Variants in EXOC6B observed in about 807,000 individuals in gnomAD.
EXOC6B encodes exocyst complex component 6B.
A neutral mutation model predicts 113.5 loss-of-function variants in EXOC6B; 54 were observed. That is an observed-to-expected ratio of 0.48 (90% CI 0.38 to 0.60). The LOEUF (loss-of-function observed/expected upper bound fraction) is 0.60, where lower values mean the gene tolerates loss of function less well. EXOC6B is among the 20% of genes least tolerant of loss of function. The probability of loss-of-function intolerance (pLI) is 0.00; values close to 1 mark genes in which losing one functional copy is unlikely to be tolerated. For synonymous variants in EXOC6B, 357 were observed against 339.0 expected, an observed-to-expected ratio of 1.05 and a Z score of -0.58; for missense variants, 797 against 977.5, an observed-to-expected ratio of 0.82 and a Z score of 2.46.
chr2:72,796,983 C>T (rs1292925486), intron 1 of EXOC6B, among the ~76,000 whole-genome samples: 4 of 152,206 alleles, frequency 2.6e-5, no homozygotes, highest in Non-Finnish European at 4.4e-5. Context: ...ACAAATATAT[C>T]TCAATTTAAA....
intron 20 of EXOC6B, among the ~76,000 whole-genome samples, chr2:72,204,459 AGGCCAAGATTAGCGT>A (rs1679699500): frequency 1.3e-5 from 2 of 152,118 alleles, no homozygotes; most frequent in Non-Finnish European, 2.9e-5. Context: ...ACAGTTGGCC[AGGCCAAGATTAGCGT>A]GAGCACAACA....
At chr2:72,476,178 T>C (rs75074580) in intron 17 of EXOC6B, among the ~76,000 whole-genome samples, 4,413 of 152,308 alleles carry the variant, frequency 0.029, 215 homozygotes, top group African/African-American at 0.1. Context: ...ACTCTCCTAT[T>C]GCCAGGATTT....
intron 6 of EXOC6B, among the ~76,000 whole-genome samples, chr2:72,645,304 C>G (rs976731711): frequency 2.6e-5 from 4 of 152,110 alleles, no homozygotes; most frequent in Non-Finnish European, 2.9e-5. Flanking sequence ...TCCTTAGAGA[C>G]CTACAAAGAG....
chr2:72,347,630 A>T (rs1028603647), intron 19 of EXOC6B, among the ~76,000 whole-genome samples: 6 of 152,160 alleles, frequency 3.9e-5, no homozygotes, highest in African/African-American at 1.4e-4. Context: ...AACTCAATAT[A>T]TCTAAAATAT....
intron 20 of EXOC6B, among the ~76,000 whole-genome samples, chr2:72,249,975 T>A (rs1260954934): frequency 6.6e-6 from 1 of 152,344 alleles, no homozygotes; most frequent in East Asian, 1.9e-4. Context: ...CATTAGAATG[T>A]AAGCTTCCTG....
At chr2:72,473,986 G>T (rs1313030303) in intron 17 of EXOC6B, among the ~76,000 whole-genome samples, 1 of 151,728 alleles carries the variant, frequency 6.6e-6, no homozygotes, top group African/African-American at 2.4e-5. Context: ...GTATGAGAAA[G>T]ATTGTATTTC....
chr2:72,379,998 C>T lies in EXOC6B; in HGVS notation c.1981-128G>A, dbSNP rs1193029180. Reference sequence around the variant, plus strand: ...CCTAAGGTTCTCCTCATCATAATACCCTTCCATTCAAATAATCTTGGAATT... The same window carrying T: ...CCTAAGGTTCTCCTCATCATAATACTCTTCCATTCAAATAATCTTGGAATT... On this transcript the variant is annotated intron_variant, in intron 18 of 21. Transcript: ENST00000272427. The T allele has an allele frequency of 3.8e-6, 3 of 779,954 alleles. No homozygotes were observed. The African/African-American group carries it at 5.3e-5, about 14-fold the overall frequency. 48.3% of individuals were successfully genotyped at this position (779,954 alleles called of 1,614,324 possible). A position where few individuals can be genotyped will look rare whatever the true frequency, so the allele number is the denominator to read the frequency against.
chr2:72,537,152 T>A (rs1407469017), intron 8 of EXOC6B, among the ~76,000 whole-genome samples: 2 of 152,102 alleles, frequency 1.3e-5, no homozygotes, highest in Non-Finnish European at 2.9e-5. Flanking sequence ...TTGGAAATAA[T>A]GTACATGGTG....
intron 6 of EXOC6B, among the ~76,000 whole-genome samples, chr2:72,612,037 C>G (rs1379107341): frequency 6.6e-6 from 1 of 152,124 alleles, no homozygotes; most frequent in Non-Finnish European, 1.5e-5. Context: ...AATCCCAGCA[C>G]TTTGGAAGCC....
At chr2:72,628,301 T>G (rs907091039) in intron 6 of EXOC6B, among the ~76,000 whole-genome samples, 39 of 152,080 alleles carry the variant, frequency 2.6e-4, no homozygotes, top group African/African-American at 8.9e-4. Flanking sequence ...TTTTTTCTTT[T>G]AATTTTTTGT....
At chr2:72,736,603 G>T (rs1031451194) in intron 2 of EXOC6B, among the ~76,000 whole-genome samples, 1 of 152,122 alleles carries the variant, frequency 6.6e-6, no homozygotes, top group African/African-American at 2.4e-5. Flanking sequence ...GAAGGAATTT[G>T]CAACTTGAAG....
intron 5 of EXOC6B, among the ~76,000 whole-genome samples, chr2:72,730,579 G>GACACACACAC (rs3034987): frequency 0.014 from 2,076 of 144,530 alleles, 23 homozygotes; most frequent in African/African-American, 0.027. Context: ...AACAGACAGA[G>GACACACACAC]ACACACACAC....
chr2:72,182,374 G>A (rs1678145799), intron 21 of EXOC6B, among the ~76,000 whole-genome samples: 1 of 152,112 alleles, frequency 6.6e-6, no homozygotes, highest in African/African-American at 2.4e-5. Context: ...CCCATTTGAA[G>A]GACACATATG....
chr2:72,475,969 A>T (rs1217321413), intron 17 of EXOC6B, among the ~76,000 whole-genome samples: 1 of 152,090 alleles, frequency 6.6e-6, no homozygotes, highest in Non-Finnish European at 1.5e-5. Flanking sequence ...CTTCTCCTGC[A>T]CCTCAGCCCC....
At chr2:72,682,352 A>G (rs1172420232) in intron 6 of EXOC6B, among the ~76,000 whole-genome samples, 2 of 152,210 alleles carry the variant, frequency 1.3e-5, no homozygotes, top group Non-Finnish European at 2.9e-5. Flanking sequence ...GAGGATCACA[A>G]TTTAAACCAG....
intron 20 of EXOC6B, among the ~76,000 whole-genome samples, chr2:72,242,560 G>A (rs1372717891): frequency 6.6e-6 from 1 of 151,908 alleles, no homozygotes; most frequent in Non-Finnish European, 1.5e-5. Flanking sequence ...AAGAATGAAA[G>A]ACAAAAAAAG....
chr2:72,775,531 A>G (rs1236467113), intron 1 of EXOC6B, among the ~76,000 whole-genome samples: 5 of 152,232 alleles, frequency 3.3e-5, no homozygotes, highest in African/African-American at 1.2e-4. Flanking sequence ...GGTGTTCAAC[A>G]GGTAAATGTG....
intron 19 of EXOC6B, among the ~76,000 whole-genome samples, chr2:72,365,306 ACTAATAGGCACAGCACTAAT>A (rs2104999708): frequency 6.6e-6 from 1 of 152,282 alleles, no homozygotes; most frequent in East Asian, 1.9e-4. Context: ...GTTATGATAA[ACTAATAGGCACAGCACTAAT>A]CTTTCCAGTG....
intron 20 of EXOC6B, among the ~76,000 whole-genome samples, chr2:72,221,862 A>T (rs1457952275): frequency 1.3e-5 from 2 of 152,206 alleles, no homozygotes; most frequent in African/African-American, 4.8e-5. Flanking sequence ...GATTGACGTT[A>T]TATCTGAAAA....
Sources: allele counts gnomAD v4.1 joint callset (sites outside exome capture counted in the v4.1 genomes callset), GRCh38; gene constraint gnomAD v4.1.1; transcripts MANE v1.5; gene names NCBI Gene and HGNC (gene_info 2026-07-23, HGNC 2026-07-21).